PRR13: variants seen among roughly 807,000 people sequenced by gnomAD.
PRR13 encodes the protein proline rich 13, also known as proline-rich protein 13.
PRR13 carries 7 observed loss-of-function variants against 11.5 expected under a neutral mutation model. That is an observed-to-expected ratio of 0.61 (90% CI 0.34 to 1.14). The LOEUF (loss-of-function observed/expected upper bound fraction) is 1.14. Among genes scored for constraint, PRR13 ranks in the 50% most tolerant of loss-of-function variants. The pLI is 0.03. For synonymous variants in PRR13, 53 were observed against 67.8 expected, an observed-to-expected ratio of 0.78 and a Z score of 1.07; for missense variants, 155 against 194.4, an observed-to-expected ratio of 0.80 and a Z score of 1.21.
chr12:53,445,275 GA>G (rs778994098), intron 3 of PRR13, among the ~76,000 whole-genome samples: 3 of 150,800 alleles, frequency 2.0e-5, no homozygotes, highest in Admixed American at 6.6e-5. Flanking sequence ...TTAAACCCAG[GA>G]AGTGGAGGTT....
intron 3 of PRR13, among the ~76,000 whole-genome samples, chr12:53,445,006 G>A (rs1940374075): frequency 1.3e-5 from 2 of 152,182 alleles, no homozygotes; most frequent in African/African-American, 2.4e-5. Context: ...TAACTGCCCA[G>A]TATTTATTTG....
chr12:53,442,954 T>A (rs968104051), intron 2 of PRR13: 24 of 446,468 alleles, frequency 5.4e-5, no homozygotes, highest in Non-Finnish European at 7.9e-5. Context: ...CCTCCTGGGT[T>A]CAAGCGATTC....
chr12:53,444,329 GTTTT>G (rs959231725), intron 3 of PRR13, among the ~76,000 whole-genome samples: 1 of 131,344 alleles, frequency 7.6e-6, no homozygotes, highest in Admixed American at 7.5e-5. Flanking sequence ...GACTAAGGAG[GTTTT>G]TTTTTTTTTT....
At position 53,443,604 on chromosome 12, in the gene PRR13, C is replaced by G. The variant is rs1401011810; in HGVS notation, c.233C>G (p.Pro78Arg). The G allele has an allele frequency of 4.3e-6, 7 of 1,613,418 alleles. No homozygotes were observed. Among genetic ancestry groups the G allele is most frequent in the Non-Finnish European group, 5.9e-6 (7 of 1,179,814 alleles). ...GGATGCCAACCGTTGGGTCCCTACC[C>G]TCCTCCATACCCACCGCCTGCCCCT... Reference protein sequence around the residue: ...YPGCQPLGPYPPPYPPPAPGI... With the variant: ...YPGCQPLGPYRPPYPPPAPGI... The change falls in exon 3 of 4, where the codon CCT becomes CGT. Residue 78 changes from proline (P) to arginine (R), a missense_variant. Pro to Arg is a moderately radical substitution (Grantham distance 103). Coordinates refer to ENST00000429243, the MANE Select transcript of PRR13 (RefSeq NM_018457.4).
intron 3 of PRR13, among the ~76,000 whole-genome samples, chr12:53,444,749 T>C (rs988323749): frequency 6.6e-6 from 1 of 152,148 alleles, no homozygotes; most frequent in Non-Finnish European, 1.5e-5. Context: ...TTGGGAATTA[T>C]TAGCTGGGTG....
intron 3 of PRR13, 176 bp downstream of exon 3, chr12:53,443,949 C>A: frequency 1.2e-6 from 1 of 838,824 alleles, no homozygotes; most frequent in Non-Finnish European, 1.8e-6. Flanking sequence ...ATCTGATTAT[C>A]TTGAAAATAA....
At position 53,442,561 on chromosome 12, in the gene PRR13, A is replaced by T. The variant is rs572347328; in HGVS notation, c.-20-134A>T. ...CCCAGCCAGAAAAGAGACATTTCTT[A>T]TGTGGAAGTTGTGGTAGTTCTCCAG... On this transcript the variant is annotated intron_variant, in intron 1 of 3. Coordinates refer to ENST00000429243, the MANE Select transcript of PRR13 (RefSeq NM_018457.4). 7.0e-5 allele frequency: 52 copies of T among 739,086 alleles called. No homozygotes were observed. In the East Asian group the frequency reaches 1.1e-3, roughly 16 times the overall value. The allele number at this position is 739,086 out of a possible 1,614,324, so 45.8% of individuals were successfully genotyped here. A position where few individuals can be genotyped will look rare whatever the true frequency, so the allele number is the denominator to read the frequency against.
At chr12:53,442,581 C>T (rs1205770171) in intron 1 of PRR13, 114 bp from the exon 2 acceptor site, 3 of 873,600 alleles carry the variant, frequency 3.4e-6, no homozygotes, top group East Asian at 2.5e-5. Flanking sequence ...TGTGGTAGTT[C>T]TCCAGGTAGG....
intron 2 of PRR13, chr12:53,443,068 G>C (rs1422365531): frequency 2.7e-6 from 1 of 366,114 alleles, no homozygotes; most frequent in Non-Finnish European, 4.9e-6. Context: ...ATTTGGCCAG[G>C]CTGGTCTCAA....
intron 3 of PRR13, among the ~76,000 whole-genome samples, chr12:53,445,281 G>A (rs1333092271): frequency 6.6e-6 from 1 of 151,108 alleles, no homozygotes; most frequent in Non-Finnish European, 1.5e-5. Flanking sequence ...CCAGGAAGTG[G>A]AGGTTGCAGT....
At chr12:53,441,865 G>A in intron 1 of PRR13, 73 bp downstream of exon 1, 1 of 699,868 alleles carries the variant, frequency 1.4e-6, no homozygotes, top group Non-Finnish European at 2.6e-6. Flanking sequence ...CGCAGCTTGG[G>A]GCTAGGATCT....
At chr12:53,445,736 C>T (rs1324625368) in intron 3 of PRR13, among the ~76,000 whole-genome samples, 1 of 152,180 alleles carries the variant, frequency 6.6e-6, no homozygotes, top group African/African-American at 2.4e-5. Context: ...GGCATCGATT[C>T]AGGTAAAGAA....
At chr12:53,443,222 A>ATTCCCCCT (rs764886841) in intron 2 of PRR13, 169 bp from the exon 3 acceptor site, 3 of 645,858 alleles carry the variant, frequency 4.6e-6, no homozygotes, top group Non-Finnish European at 7.3e-6. Flanking sequence ...TTCCAGGGAC[A>ATTCCCCCT]TTCCCCCTTT....
intron 3 of PRR13, among the ~76,000 whole-genome samples, chr12:53,445,474 T>C (rs1378568737): frequency 6.6e-6 from 1 of 152,050 alleles, no homozygotes; most frequent in Non-Finnish European, 1.5e-5. Context: ...GCTGGGAGTA[T>C]ATGCTTAAGG....
chr12:53,446,168 A>T lies in PRR13; in HGVS notation c.*109A>T, dbSNP rs957082755. On this transcript the variant is annotated 3_prime_UTR_variant, in exon 4 of 4. Coordinates refer to ENST00000429243, the MANE Select transcript of PRR13 (RefSeq NM_018457.4). Reference sequence around the variant, plus strand: ...GTAGCCCTTGTGCTCCCCACCCCCTACCTCCACCTGAGCCTCACCCTGCTG... The same window carrying T: ...GTAGCCCTTGTGCTCCCCACCCCCTTCCTCCACCTGAGCCTCACCCTGCTG... 22 of 1,484,100 alleles carry T rather than the reference A, an allele frequency of 1.5e-5. No individual in the cohort carries two copies. In the Admixed American group the frequency reaches 3.0e-4, roughly 20 times the overall value. The allele number at this position is 1,484,100 out of a possible 1,614,324, so 91.9% of individuals were successfully genotyped here.
intron 2 of PRR13, 29 bp downstream of exon 2, chr12:53,442,762 CT>C (rs1161397429): frequency 1.3e-5 from 21 of 1,597,372 alleles, no homozygotes; most frequent in Non-Finnish European, 1.6e-5. Flanking sequence ...TGTTCCACCC[CT>C]AACCCTTTTT....
In PRR13 at chr12:53,443,712, A is replaced by G. The variant is rs1940343671; in HGVS notation, c.341A>G (p.Lys114Arg). ...GACAAGAAGATGCAGAAGAAAATGA[A>G]GAAAGCTCATAAAAAGATGCACAAG... ...IVDKKMQKKM[K>R]KAHKKMHKHQ... Residue 114 changes from lysine (K) to arginine (R), a missense_variant, in exon 3 of 4, where the codon AAG becomes AGG. By Grantham distance (26) the Lys-to-Arg change is conservative. Coordinates refer to ENST00000429243, the MANE Select transcript of PRR13 (RefSeq NM_018457.4). The G allele has an allele frequency of 6.2e-7, 1 of 1,614,124 alleles. No individual in the cohort carries two copies.
intron 3 of PRR13, chr12:53,444,185 G>A (rs1330007918): frequency 1.2e-5 from 3 of 249,850 alleles, no homozygotes; most frequent in African/African-American, 2.2e-5. Flanking sequence ...TCTGTCCCTA[G>A]TTCCAGAAGT....
chr12:53,443,589 C>T lies in PRR13; in HGVS notation c.218C>T (p.Pro73Leu), dbSNP rs746785920. ...VPQPGYPGCQ[P>L]LGPYPPPYPP... ...CAGCCAGGGTATCCAGGATGCCAAC[C>T]GTTGGGTCCCTACCCTCCTCCATAC... Residue 73 changes from proline (P) to leucine (L), a missense_variant, in exon 3 of 4, where the codon CCG becomes CTG. Pro to Leu is a moderately conservative substitution (Grantham distance 98, BLOSUM62 -3). Transcript: ENST00000429243. 10 of 1,610,936 alleles carry T rather than the reference C, an allele frequency of 6.2e-6. No homozygotes were observed. The highest frequency in any genetic ancestry group is 4.4e-5 in the South Asian group (4 of 90,840).
Sources: gnomAD v4.1 joint callset for allele counts (sites outside exome capture counted in the v4.1 genomes callset) on GRCh38, gnomAD v4.1.1 for gene constraint, MANE v1.5 for transcripts, NCBI Gene and HGNC (gene_info 2026-07-23, HGNC 2026-07-21) for gene names.